GRID2: variants seen among roughly 807,000 people sequenced by gnomAD.
GRID2 encodes the protein glutamate ionotropic receptor delta type subunit 2, also known as glutamate receptor ionotropic, delta-2.
Under a neutral mutation model 114.8 loss-of-function variants are expected in GRID2, and 33 were observed. The observed-to-expected ratio is 0.29, with a 90% CI of 0.22 to 0.38. GRID2 has a LOEUF of 0.38. Ranked by LOEUF, GRID2 falls within the 10% of genes least tolerant of loss-of-function variation. The pLI is 1.00. For synonymous variants in GRID2, 505 were observed against 449.9 expected, an observed-to-expected ratio of 1.12 and a Z score of -1.55; for missense variants, 1,184 against 1,257.7, an observed-to-expected ratio of 0.94 and a Z score of 0.89.
chr4:93,324,847 G>A (rs111871546), intron 8 of GRID2, among the ~76,000 whole-genome samples: 35,359 of 151,748 alleles, frequency 0.23, 4,607 homozygotes, highest in Middle Eastern at 0.37. Flanking sequence ...GTATTCTCTG[G>A]TGGTAGTTTG....
At chr4:93,244,930 C>T (rs1579409139) in intron 8 of GRID2, among the ~76,000 whole-genome samples, 2 of 151,254 alleles carry the variant, frequency 1.3e-5, no homozygotes, top group Admixed American at 6.6e-5. Context: ...AATATAAAAC[C>T]CAGTTGTAAT....
intron 1 of GRID2, among the ~76,000 whole-genome samples, chr4:93,788,423 AC>A (rs1398218135): frequency 1.3e-5 from 2 of 152,190 alleles, no homozygotes; most frequent in African/African-American, 2.4e-5. Flanking sequence ...ACACATACAT[AC>A]AAAAAAGATA....
chr4:92,739,410 T>A (rs1268447184), intron 2 of GRID2, among the ~76,000 whole-genome samples: 1 of 152,186 alleles, frequency 6.6e-6, no homozygotes, highest in East Asian at 1.9e-4. Context: ...AAACACACTT[T>A]AAACATATGA....
intron 2 of GRID2, among the ~76,000 whole-genome samples, chr4:92,921,551 G>A (rs1749338756): frequency 1.3e-5 from 2 of 152,144 alleles, no homozygotes; most frequent in South Asian, 4.1e-4. Context: ...CTGTTTGTTA[G>A]TGTTCCTTCT....
At chr4:93,385,836 T>G (rs1764263562) in intron 8 of GRID2, among the ~76,000 whole-genome samples, 2 of 152,182 alleles carry the variant, frequency 1.3e-5, no homozygotes, top group Admixed American at 6.6e-5. Context: ...TTTAAAAAAC[T>G]GATTTTACTG....
At chr4:92,573,607 T>G (rs963734076) in intron 1 of GRID2, among the ~76,000 whole-genome samples, 1 of 152,200 alleles carries the variant, frequency 6.6e-6, no homozygotes, top group Admixed American at 6.5e-5. Context: ...TCAATTTCCA[T>G]GTAGTTGTAT....
intron 11 of GRID2, among the ~76,000 whole-genome samples, chr4:93,473,473 C>G (rs1017658080): frequency 6.6e-6 from 1 of 151,928 alleles, no homozygotes; most frequent in Non-Finnish European, 1.5e-5. Context: ...ATTACTGTGT[C>G]CCACTAGATA....
At chr4:92,668,574 G>C (rs1175911826) in intron 2 of GRID2, among the ~76,000 whole-genome samples, 1 of 151,720 alleles carries the variant, frequency 6.6e-6, no homozygotes, top group Non-Finnish European at 1.5e-5. Context: ...AGCCAACTAG[G>C]TAGATTTTAG....
intron 2 of GRID2, among the ~76,000 whole-genome samples, chr4:92,922,655 G>A (rs1749462507): frequency 1.3e-5 from 2 of 152,238 alleles, no homozygotes; most frequent in South Asian, 4.1e-4. Context: ...AACAACTCAA[G>A]TATACATCAG....
intron 2 of GRID2, among the ~76,000 whole-genome samples, chr4:92,758,947 AC>A (rs1329303268): frequency 6.6e-6 from 1 of 152,218 alleles, no homozygotes; most frequent in Non-Finnish European, 1.5e-5. Context: ...CTTTCTGCAA[AC>A]AAATATGGAA....
At chr4:92,916,138 T>C (rs1019798440) in intron 2 of GRID2, among the ~76,000 whole-genome samples, 1 of 152,158 alleles carries the variant, frequency 6.6e-6, no homozygotes, top group African/African-American at 2.4e-5. Context: ...CGTGAAATTT[T>C]TCCTGTGCCT....
chr4:93,102,086 A>G (rs1731757354), intron 3 of GRID2, among the ~76,000 whole-genome samples: 1 of 152,200 alleles, frequency 6.6e-6, no homozygotes, highest in Admixed American at 6.6e-5. Context: ...TTTCTCTTAC[A>G]AATAGCAGAA....
chr4:92,902,161 T>C (rs932315258), intron 2 of GRID2, among the ~76,000 whole-genome samples: 1 of 152,134 alleles, frequency 6.6e-6, no homozygotes. Flanking sequence ...TTCTTCCTTC[T>C]ACATGCTTGA....
In GRID2 at chr4:93,322,380, C is replaced by A. The variant is rs1323024198; in HGVS notation, c.1246-73227C>A. Among the ~76,000 whole-genome samples the A allele has an allele frequency of 3.9e-5, 6 of 152,094 alleles. No individual in the cohort carries two copies. The East Asian group carries it at 1.2e-3, about 29-fold the overall frequency. The stretch of plus-strand genomic sequence containing the variant: ...GTCCTTACAAAGGACATGAACTCAT[C>A]ATTTTTTATGGCTGCATAGTATTCC... On this transcript the variant is annotated intron_variant, in intron 8 of 15. Coordinates refer to ENST00000282020, the MANE Select transcript of GRID2 (RefSeq NM_001510.4).
chr4:92,403,623 C>A (rs1316298164), intron 1 of GRID2, among the ~76,000 whole-genome samples: 1 of 151,618 alleles, frequency 6.6e-6, no homozygotes, highest in South Asian at 2.1e-4. Context: ...ACCCGGGAGG[C>A]AGAGGTTGCA....
intron 2 of GRID2, among the ~76,000 whole-genome samples, chr4:92,659,756 C>T (rs1732431028): frequency 6.6e-6 from 1 of 151,380 alleles, no homozygotes; most frequent in Non-Finnish European, 1.5e-5. Flanking sequence ...ATCCAATGCT[C>T]TCTGGTACCC....
At chr4:92,405,855 T>A (rs912478126) in intron 1 of GRID2, among the ~76,000 whole-genome samples, 32 of 152,146 alleles carry the variant, frequency 2.1e-4, no homozygotes, top group African/African-American at 7.0e-4. Context: ...GGGACAGAAC[T>A]AATAGGATAG....
At chr4:93,325,735 A>G (rs541653160) in intron 8 of GRID2, among the ~76,000 whole-genome samples, 1 of 152,042 alleles carries the variant, frequency 6.6e-6, no homozygotes, top group Non-Finnish European at 1.5e-5. Context: ...AAATGTGCTT[A>G]CTATATGATC....
chr4:93,331,132 C>CG lies in GRID2; in HGVS notation c.1246-64475_1246-64474insG, dbSNP rs554010204. On this transcript the variant is annotated intron_variant, in intron 8 of 15. Transcript: ENST00000282020. ...CAGTGCCTGCTGCTATCTAACCCCCCCCCCATTTCACTCATTATCTCTCCA... is the reference window on the plus strand; with the variant it reads ...CAGTGCCTGCTGCTATCTAACCCCCCGCCCCATTTCACTCATTATCTCTCCA... Among the ~76,000 whole-genome samples, 376 of 147,170 alleles carry CG rather than the reference C, an allele frequency of 2.6e-3. 5 individuals carry two copies. The highest frequency in any genetic ancestry group is 8.6e-3 in the African/African-American group (345 of 39,976).
Sources: gnomAD v4.1 joint callset for allele counts (sites outside exome capture counted in the v4.1 genomes callset) on GRCh38, gnomAD v4.1.1 for gene constraint, MANE v1.5 for transcripts, NCBI Gene and HGNC (gene_info 2026-07-23, HGNC 2026-07-21) for gene names.